Variants in TIPIN observed in about 807,000 individuals in gnomAD.
The protein encoded by TIPIN is TIMELESS interacting protein, also known as TIMELESS-interacting protein.
TIPIN carries 29 observed loss-of-function variants against 35.6 expected under a neutral mutation model. That is an observed-to-expected ratio of 0.82 (90% CI 0.61 to 1.11). The LOEUF is 1.11. TIPIN is among the 50% of genes most tolerant of loss of function. TIPIN has a pLI of 0.00. For missense variants in TIPIN, 296 were observed against 345.4 expected (o/e 0.86, Z 1.13); for synonymous variants, 102 against 121.5 (o/e 0.84, Z 1.06).
intron 1 of TIPIN, among the ~76,000 whole-genome samples, chr15:66,384,447 A>G (rs2093329253): frequency 6.6e-6 from 1 of 151,800 alleles, no homozygotes; most frequent in Non-Finnish European, 1.5e-5. Flanking sequence ...GGTGCCCACC[A>G]CCATGCCTGG....
chr15:66,373,936 C>G (rs1448822948), intron 1 of TIPIN, among the ~76,000 whole-genome samples: 3 of 152,106 alleles, frequency 2.0e-5, no homozygotes, highest in Admixed American at 1.3e-4. Flanking sequence ...CTCCTGGGCT[C>G]AAGCGACCCT....
chr15:66,337,869 C>CA (rs942199791), intron 7 of TIPIN, among the ~76,000 whole-genome samples: 30 of 141,316 alleles, frequency 2.1e-4, no homozygotes, highest in East Asian at 6.3e-4. Context: ...ATCCTATAAC[C>CA]AAAAAAAAAC....
At chr15:66,369,705 T>A (rs983705707) in intron 1 of TIPIN, among the ~76,000 whole-genome samples, 2 of 152,200 alleles carry the variant, frequency 1.3e-5, no homozygotes, top group Non-Finnish European at 2.9e-5. Context: ...TAGTTCATTG[T>A]TGGAGATGAA....
intron 6 of TIPIN, 85 bp downstream of exon 6, chr15:66,348,975 G>C: frequency 9.4e-7 from 1 of 1,067,204 alleles, no homozygotes; most frequent in South Asian, 1.4e-5. Context: ...AAAGCGCTGG[G>C]ATTACAGGGT....
intron 1 of TIPIN, among the ~76,000 whole-genome samples, chr15:66,379,061 T>G (rs147832353): frequency 0.025 from 3,800 of 152,148 alleles, 65 homozygotes; most frequent in Middle Eastern, 0.072. Context: ...GCACAAAGTT[T>G]TTTTTTTTGT....
At chr15:66,345,410 C>G (rs1236353292) in intron 6 of TIPIN, among the ~76,000 whole-genome samples, 1 of 151,988 alleles carries the variant, frequency 6.6e-6, no homozygotes, top group Admixed American at 6.6e-5. Flanking sequence ...CCTGTCACTA[C>G]AAAAACTAAA....
chr15:66,363,121 T>C (rs1246220248), intron 1 of TIPIN, among the ~76,000 whole-genome samples: 2 of 152,184 alleles, frequency 1.3e-5, no homozygotes, highest in Non-Finnish European at 2.9e-5. Context: ...TTCACATCTG[T>C]AATCCCAGCA....
intron 1 of TIPIN, among the ~76,000 whole-genome samples, chr15:66,363,068 G>T (rs1216725595): frequency 6.6e-6 from 1 of 152,184 alleles, no homozygotes; most frequent in Non-Finnish European, 1.5e-5. Context: ...TGCAAATGAT[G>T]GGGGGAAGAT....
At chr15:66,379,331 T>C in intron 1 of TIPIN, 3 of 1,589,884 alleles carry the variant, frequency 1.9e-6, no homozygotes, top group Non-Finnish European at 2.6e-6. Flanking sequence ...GGATAACTCT[T>C]AGATCTTATT....
chr15:66,339,820 C>T (rs2093072234), intron 7 of TIPIN, among the ~76,000 whole-genome samples: 1 of 152,088 alleles, frequency 6.6e-6, no homozygotes, highest in Non-Finnish European at 1.5e-5. Context: ...GCAAATTAAA[C>T]AGCTACTTTC....
chr15:66,349,568 A>G, intron 4 of TIPIN, 131 bp from the exon 5 acceptor site: 3 of 1,227,332 alleles, frequency 2.4e-6, no homozygotes, highest in Admixed American at 2.7e-5. Flanking sequence ...TGAAAAACTT[A>G]TAAAAGGAAC....
intron 1 of TIPIN, among the ~76,000 whole-genome samples, 190 bp downstream of exon 1, chr15:66,356,449 G>T (rs1020460208): frequency 6.6e-6 from 1 of 152,034 alleles, no homozygotes; most frequent in Non-Finnish European, 1.5e-5. Flanking sequence ...TAAGCAACCG[G>T]GACACGCGCC....
intron 6 of TIPIN, among the ~76,000 whole-genome samples, chr15:66,343,069 G>C (rs759605944): frequency 8.5e-5 from 13 of 152,148 alleles, no homozygotes; most frequent in Middle Eastern, 3.2e-3. Flanking sequence ...GGCCCCCACT[G>C]ACTTTACAAT....
At chr15:66,349,944 GGTTTTTTTT>G (rs62627300) in intron 4 of TIPIN, among the ~76,000 whole-genome samples, 30,083 of 151,692 alleles carry the variant, frequency 0.2, 3,055 homozygotes, top group East Asian at 0.38. Context: ...TGGATACAGG[GGTTTTTTTT>G]GTTTTTTTGG....
At chr15:66,370,689 G>GA (rs2093274704) in intron 1 of TIPIN, among the ~76,000 whole-genome samples, 1 of 152,048 alleles carries the variant, frequency 6.6e-6, no homozygotes, top group South Asian at 2.1e-4. Context: ...ATTAAAATAA[G>GA]AAAAAAAGTA....
At chr15:66,375,366 G>C (rs995826799) in intron 1 of TIPIN, among the ~76,000 whole-genome samples, 1 of 151,422 alleles carries the variant, frequency 6.6e-6, no homozygotes, top group African/African-American at 2.4e-5. Flanking sequence ...TAGAGACAAG[G>C]GTCTTGCTAT....
chr15:66,378,975 G>C (rs2093307891), intron 1 of TIPIN, among the ~76,000 whole-genome samples: 1 of 152,054 alleles, frequency 6.6e-6, no homozygotes, highest in African/African-American at 2.4e-5. Flanking sequence ...GACTAGGCTG[G>C]TCTTAAACTC....
At chr15:66,371,389 T>C (rs1243288482) in intron 1 of TIPIN, 1 of 984,960 alleles carries the variant, frequency 1.0e-6, no homozygotes, top group Non-Finnish European at 1.2e-6. Context: ...AAGGCCTATA[T>C]CATTTTTTTC....
At chr15:66,381,589 T>C (rs536586323) in intron 1 of TIPIN, among the ~76,000 whole-genome samples, 18 of 152,328 alleles carry the variant, frequency 1.2e-4, no homozygotes, top group African/African-American at 4.1e-4. Flanking sequence ...ATGTAATCAT[T>C]TCTCTTCTGT....
Sources: gnomAD v4.1 joint callset for allele counts (sites outside exome capture counted in the v4.1 genomes callset) on GRCh38, gnomAD v4.1.1 for gene constraint, MANE v1.5 for transcripts, NCBI Gene and HGNC (gene_info 2026-07-23, HGNC 2026-07-21) for gene names.